OR9Q1: variants seen among roughly 807,000 people sequenced by gnomAD.
OR9Q1 encodes the protein olfactory receptor 9Q1.
For missense variants in OR9Q1, 374 were observed against 378.8 expected, an observed-to-expected ratio of 0.99 and a Z score of 0.11; for synonymous variants, 153 against 148.6, an observed-to-expected ratio of 1.03 and a Z score of -0.22.
At chr11:58,098,401 CAT>C (rs1474766340) in intron 2 of OR9Q1, among the ~76,000 whole-genome samples, 2 of 152,092 alleles carry the variant, frequency 1.3e-5, no homozygotes, top group Non-Finnish European at 2.9e-5. Context: ...TACAATATCT[CAT>C]ATTTTATGAT....
At chr11:58,141,760 T>C (rs1008692695) in intron 2 of OR9Q1, among the ~76,000 whole-genome samples, 1 of 152,140 alleles carries the variant, frequency 6.6e-6, no homozygotes, top group Non-Finnish European at 1.5e-5. Flanking sequence ...TGAGTGTGAG[T>C]TTGGAACAAA....
At chr11:58,034,792 C>CCCTT (rs71061567) in intron 1 of OR9Q1, among the ~76,000 whole-genome samples, 40,898 of 95,952 alleles carry the variant, frequency 0.43, 9,558 homozygotes, top group Non-Finnish European at 0.52. Flanking sequence ...CCTCCTTTCT[C>CCCTT]CCTTCCTTCC....
chr11:58,119,522 C>T (rs746823821), intron 2 of OR9Q1: 16 of 995,268 alleles, frequency 1.6e-5, no homozygotes, highest in Non-Finnish European at 2.2e-5. Context: ...GAATCTTTCC[C>T]TCTATGGTGG....
chr11:58,135,718 A>C (rs1349483), intron 2 of OR9Q1, among the ~76,000 whole-genome samples: 26,140 of 152,194 alleles, frequency 0.17, 2,386 homozygotes, highest in Non-Finnish European at 0.21. Context: ...GGTGCACTGC[A>C]CAACCTTTAT....
intron 1 of OR9Q1, chr11:58,041,667 A>G (rs1853164662): frequency 1.3e-5 from 2 of 152,428 alleles, no homozygotes; most frequent in East Asian, 3.9e-4. Flanking sequence ...AGCACTTCTG[A>G]CATGCAACAC....
At chr11:58,127,320 C>T (rs1035575636) in intron 2 of OR9Q1, among the ~76,000 whole-genome samples, 2 of 152,078 alleles carry the variant, frequency 1.3e-5, no homozygotes, top group South Asian at 2.1e-4. Flanking sequence ...AAAAAAGACC[C>T]GGGACAGAAT....
At chr11:58,084,009 T>C (rs1412221324) in intron 2 of OR9Q1, among the ~76,000 whole-genome samples, 1 of 151,940 alleles carries the variant, frequency 6.6e-6, no homozygotes, top group Non-Finnish European at 1.5e-5. Flanking sequence ...ATGTTGATAG[T>C]TTGATAAGAA....
At chr11:58,132,121 G>C (rs1042235969) in intron 2 of OR9Q1, among the ~76,000 whole-genome samples, 4 of 152,314 alleles carry the variant, frequency 2.6e-5, no homozygotes, top group Middle Eastern at 3.4e-3. Context: ...ACAAGGTAGA[G>C]CAATCTACTT....
chr11:58,043,107 T>G (rs1051414191), intron 1 of OR9Q1, among the ~76,000 whole-genome samples: 1 of 152,010 alleles, frequency 6.6e-6, no homozygotes, highest in East Asian at 1.9e-4. Flanking sequence ...GACAATTTGA[T>G]CTCTTTCCTT....
Position 58,181,611 on chromosome 11 carries a change from A to G in OR9Q1, c.*1234A>G, listed in dbSNP as rs1354647228. On this transcript the variant is annotated 3_prime_UTR_variant, in exon 3 of 3. Transcript: ENST00000335397. ...AATCCAAAACCAAAACAACAACAAC[A>G]AAAAATCCAGGGTACCCTGTATGTG... 2 of 157,642 alleles carry G rather than the reference A, an allele frequency of 1.3e-5. No homozygotes were observed. Among genetic ancestry groups the G allele is most frequent in the African/African-American group, 4.8e-5 (2 of 41,418 alleles). 9.8% of individuals were successfully genotyped at this position (157,642 alleles called of 1,614,324 possible).
intron 2 of OR9Q1, among the ~76,000 whole-genome samples, chr11:58,090,575 A>G (rs1467946396): frequency 1.1e-4 from 16 of 152,218 alleles, no homozygotes; most frequent in Admixed American, 1.0e-3. Flanking sequence ...TTTTGCATCA[A>G]TATTCACCAG....
intron 2 of OR9Q1, among the ~76,000 whole-genome samples, chr11:58,102,194 T>C (rs1283002698): frequency 3.3e-5 from 5 of 152,188 alleles, no homozygotes; most frequent in Non-Finnish European, 7.3e-5. Flanking sequence ...TTACTATTGG[T>C]AAGTGAGGAC....
intron 2 of OR9Q1, among the ~76,000 whole-genome samples, chr11:58,083,207 C>T (rs1340678581): frequency 6.6e-6 from 1 of 151,960 alleles, no homozygotes; most frequent in East Asian, 1.9e-4. Context: ...GGAAGGGATC[C>T]AGTTTCAGTT....
intron 1 of OR9Q1, among the ~76,000 whole-genome samples, chr11:58,036,378 T>C (rs1416017848): frequency 6.6e-6 from 1 of 152,200 alleles, no homozygotes; most frequent in East Asian, 1.9e-4. Context: ...CTGATGGAAA[T>C]GTACAAGGAG....
At chr11:58,125,698 G>A (rs887867525) in intron 2 of OR9Q1, among the ~76,000 whole-genome samples, 10 of 152,092 alleles carry the variant, frequency 6.6e-5, no homozygotes, top group African/African-American at 2.2e-4. Flanking sequence ...GAGAATAGCC[G>A]GCCCGGTCAG....
At chr11:58,141,014 G>C (rs1437866298) in intron 2 of OR9Q1, among the ~76,000 whole-genome samples, 3 of 152,090 alleles carry the variant, frequency 2.0e-5, no homozygotes, top group Non-Finnish European at 4.4e-5. Flanking sequence ...TCCCTTGTAA[G>C]TTGGATTCCT....
chr11:58,159,157 C>T (rs1168053775), intron 2 of OR9Q1, among the ~76,000 whole-genome samples: 2 of 152,138 alleles, frequency 1.3e-5, no homozygotes, highest in Non-Finnish European at 2.9e-5. Flanking sequence ...AATGTGTTGT[C>T]ATCTGAGACA....
intron 2 of OR9Q1, among the ~76,000 whole-genome samples, chr11:58,083,432 T>C (rs1371517836): frequency 6.6e-6 from 1 of 152,080 alleles, no homozygotes; most frequent in African/African-American, 2.4e-5. Flanking sequence ...ACTGTGTAGA[T>C]AGTTTCTTTT....
intron 2 of OR9Q1, chr11:58,117,640 A>G (rs1853969880): frequency 6.6e-6 from 1 of 152,096 alleles, no homozygotes; most frequent in South Asian, 2.1e-4. Flanking sequence ...TTGTCTTTCT[A>G]TTTATCTGTT....
Sources: allele counts gnomAD v4.1 joint callset (sites outside exome capture counted in the v4.1 genomes callset), GRCh38; gene constraint gnomAD v4.1.1; transcripts MANE v1.5; gene names NCBI Gene and HGNC (gene_info 2026-07-23, HGNC 2026-07-21).